The following UTRN variants were observed in gnomAD, a reference collection of about 807,000 sequenced individuals.
UTRN encodes utrophin, also known as dystrophin-related protein 1.
UTRN carries 283 observed loss-of-function variants against 463.9 expected under a neutral mutation model. That is an observed-to-expected ratio of 0.61 (90% CI 0.55 to 0.67). UTRN has a LOEUF of 0.67. UTRN is among the 30% of genes least tolerant of loss of function. UTRN has a pLI of 0.00. For synonymous variants in UTRN, 1,442 were observed against 1,431.5 expected, an observed-to-expected ratio of 1.01 and a Z score of -0.17; for missense variants, 3,922 against 4,084.3, an observed-to-expected ratio of 0.96 and a Z score of 1.08.
intron 2 of UTRN, among the ~76,000 whole-genome samples, chr6:144,366,894 C>T (rs1343977269): frequency 6.6e-6 from 1 of 152,198 alleles, no homozygotes; most frequent in African/African-American, 2.4e-5. Context: ...TTTTTCTCTG[C>T]CACTTCGCCA....
At position 144,536,707 on chromosome 6, in the gene UTRN, G is replaced by A. The variant is rs538403154; in HGVS notation, c.6234-875G>A. On this transcript the variant is annotated intron_variant, in intron 43 of 74. Transcript: ENST00000367545. ...ACAATTTATTTAAAAATTGCATTCA[G>A]TTTTTAAACCAGCAGTTAATTATAG... Among the ~76,000 whole-genome samples, 224 of 152,050 alleles carry A rather than the reference G, an allele frequency of 1.5e-3. 2 individuals carry two copies. Among genetic ancestry groups the A allele is most frequent in the African/African-American group, 5.1e-3 (212 of 41,552 alleles).
In UTRN at chr6:144,423,981, A is replaced by G; in HGVS notation, c.313-5A>G. Reference sequence around the variant, plus strand: ...TTGTTTTTGTTTTTTGTTTTGTCTTAATAGGTGGAATTAGTGAATATAGGG... The same window carrying G: ...TTGTTTTTGTTTTTTGTTTTGTCTTGATAGGTGGAATTAGTGAATATAGGG... On this transcript the variant is annotated splice_region_variant and splice_polypyrimidine_tract_variant and intron_variant, in intron 5 of 74. Transcript: ENST00000367545. 1 of 1,612,726 alleles carries G rather than the reference A, an allele frequency of 6.2e-7. No homozygotes were observed. The highest frequency in any genetic ancestry group is 8.5e-7 in the Non-Finnish European group (1 of 1,179,566).
intron 3 of UTRN, among the ~76,000 whole-genome samples, chr6:144,413,225 A>G (rs2114823804): frequency 6.6e-6 from 1 of 152,344 alleles, no homozygotes; most frequent in Admixed American, 6.5e-5. Context: ...CCAGAAGATG[A>G]TAATGAAGCT....
At chr6:144,474,008 C>T (rs1455594925) in intron 24 of UTRN, among the ~76,000 whole-genome samples, 175 bp downstream of exon 24, 1 of 151,816 alleles carries the variant, frequency 6.6e-6, no homozygotes, top group African/African-American at 2.4e-5. Flanking sequence ...ACAGATTCTT[C>T]AAGTTTTTAT....
At chr6:144,829,447 T>C (rs1349019108) in intron 69 of UTRN, among the ~76,000 whole-genome samples, 2 of 152,196 alleles carry the variant, frequency 1.3e-5, no homozygotes, top group African/African-American at 2.4e-5. Flanking sequence ...TTTCCCCATA[T>C]GTGTATATTC....
At chr6:144,399,653 C>G (rs1186543954) in intron 2 of UTRN, among the ~76,000 whole-genome samples, 1 of 152,208 alleles carries the variant, frequency 6.6e-6, no homozygotes, top group Non-Finnish European at 1.5e-5. Context: ...ATAATGCTTT[C>G]TCTCTAATAA....
intron 51 of UTRN, among the ~76,000 whole-genome samples, chr6:144,655,520 C>G (rs567831826): frequency 6.6e-6 from 1 of 152,260 alleles, no homozygotes; most frequent in South Asian, 2.1e-4. Context: ...TCTCCCCATG[C>G]CAGAAACTCC....
chr6:144,514,728 C>CGTGGAAGCTCAAGCAGGGAGCTT lies in UTRN; in HGVS notation c.5155_5177dup (p.Pro1728AlafsTer7). ...TCAAGCCCTTATTTTGATGAATGCCCGTGGAAGCTCAAGCAGGGAGCTTGT... is the reference window on the plus strand; with the variant it reads ...TCAAGCCCTTATTTTGATGAATGCCCGTGGAAGCTCAAGCAGGGAGCTTGTGGAAGCTCAAGCAGGGAGCTTGT... On this transcript the variant is annotated frameshift_variant, in exon 37 of 75. Transcript: ENST00000367545. LOFTEE classifies it high-confidence loss of function. 2 of 1,614,014 alleles carry CGTGGAAGCTCAAGCAGGGAGCTT rather than the reference C, an allele frequency of 1.2e-6. No homozygotes were observed. The highest frequency in any genetic ancestry group is 1.7e-6 in the Non-Finnish European group (2 of 1,179,988).
chr6:144,349,944 A>G (rs1403768788), intron 2 of UTRN, among the ~76,000 whole-genome samples: 4 of 152,198 alleles, frequency 2.6e-5, no homozygotes, highest in Non-Finnish European at 5.9e-5. Flanking sequence ...TGAACTGGCA[A>G]CTGAAGTCGT....
chr6:144,340,401 C>T (rs1342143094), intron 2 of UTRN, among the ~76,000 whole-genome samples: 1 of 152,000 alleles, frequency 6.6e-6, no homozygotes, highest in Non-Finnish European at 1.5e-5. Context: ...AGATGTGTAC[C>T]CTTCATGGCC....
chr6:144,675,633 G>A (rs1295440848), intron 51 of UTRN, among the ~76,000 whole-genome samples: 1 of 152,216 alleles, frequency 6.6e-6, no homozygotes, highest in East Asian at 1.9e-4. Flanking sequence ...TGCAGTAGTA[G>A]AAGGATGGTA....
intron 50 of UTRN, among the ~76,000 whole-genome samples, chr6:144,562,454 G>T (rs942575958): frequency 2.6e-5 from 4 of 152,224 alleles, no homozygotes; most frequent in African/African-American, 9.6e-5. Context: ...AACATGCGGT[G>T]TTTGGTTTTC....
At chr6:144,494,496 G>A (rs1012191022) in intron 33 of UTRN, among the ~76,000 whole-genome samples, 3 of 152,210 alleles carry the variant, frequency 2.0e-5, no homozygotes, top group Admixed American at 6.5e-5. Flanking sequence ...AAGAGCAAAA[G>A]AACAAAGCTT....
At chr6:144,728,225 C>T (rs1788116297) in intron 53 of UTRN, among the ~76,000 whole-genome samples, 1 of 151,578 alleles carries the variant, frequency 6.6e-6, no homozygotes. Flanking sequence ...CTGGTTTTCA[C>T]TATTTTTTAA....
chr6:144,485,605 A>G (rs1792361210), intron 28 of UTRN, 86 bp downstream of exon 28: 2 of 1,548,440 alleles, frequency 1.3e-6, no homozygotes, highest in Non-Finnish European at 8.7e-7. Context: ...TGCTTTACGC[A>G]GGCAAATGCA....
At chr6:144,691,170 G>A (rs2128692424) in intron 52 of UTRN, among the ~76,000 whole-genome samples, 1 of 152,296 alleles carries the variant, frequency 6.6e-6, no homozygotes, top group South Asian at 2.1e-4. Flanking sequence ...AGGCTGGAGT[G>A]CGATGGTGCA....
chr6:144,490,060 T>C lies in UTRN; in HGVS notation c.4135-11T>C. Reference sequence around the variant, plus strand: ...AAAGGACATCCTCTCCCCTTTCCAATCTCTTTTTAGAAAATCCAAGCAGAG... The same window carrying C: ...AAAGGACATCCTCTCCCCTTTCCAACCTCTTTTTAGAAAATCCAAGCAGAG... On this transcript the variant is annotated splice_polypyrimidine_tract_variant and intron_variant, in intron 30 of 74. Coordinates refer to ENST00000367545, the MANE Select transcript of UTRN (RefSeq NM_007124.3). 6.2e-7 allele frequency: 1 copy of C among 1,602,638 alleles called. No individual in the cohort carries two copies. The highest frequency in any genetic ancestry group is 1.1e-5 in the South Asian group (1 of 87,968).
At chr6:144,824,614 CTTTTTT>C (rs34382974) in intron 66 of UTRN, among the ~76,000 whole-genome samples, 1,321 of 30,892 alleles carry the variant, frequency 0.043, 96 homozygotes, top group African/African-American at 0.13. Context: ...ATATATATAT[CTTTTTT>C]TTTTTTTTTT....
chr6:144,755,084 C>G (rs1404552908), intron 57 of UTRN, among the ~76,000 whole-genome samples: 1 of 152,060 alleles, frequency 6.6e-6, no homozygotes, highest in Non-Finnish European at 1.5e-5. Context: ...ATTGCTTTGT[C>G]ATAGGCAAAG....
Sources: allele counts gnomAD v4.1 joint callset (sites outside exome capture counted in the v4.1 genomes callset), GRCh38; gene constraint gnomAD v4.1.1; transcripts MANE v1.5; gene names NCBI Gene and HGNC (gene_info 2026-07-23, HGNC 2026-07-21).